The following KIAA1328 variants were observed in gnomAD, a reference collection of about 807,000 sequenced individuals.
KIAA1328 encodes protein hinderin.
KIAA1328 carries 52 observed loss-of-function variants against 68.1 expected under a neutral mutation model. The observed-to-expected ratio is 0.76, with a 90% confidence interval of 0.61 to 0.96. The LOEUF (loss-of-function observed/expected upper bound fraction) is 0.96. Among genes scored for constraint, KIAA1328 ranks in the 40% least tolerant of loss-of-function variants. The pLI is 0.00. For missense variants in KIAA1328, 641 were observed against 677.6 expected, an observed-to-expected ratio of 0.95 and a Z score of 0.60; for synonymous variants, 232 against 239.4, an observed-to-expected ratio of 0.97 and a Z score of 0.28.
intron 5 of KIAA1328, among the ~76,000 whole-genome samples, chr18:36,890,522 T>C (rs2048649684): frequency 6.6e-6 from 1 of 151,988 alleles, no homozygotes; most frequent in Admixed American, 6.6e-5. Context: ...AATACAAAAA[T>C]TAGCCGGGCA....
At position 36,857,647 on chromosome 18, in the gene KIAA1328, A is replaced by G. The variant is rs561141374; in HGVS notation, c.332+13345A>G. On this transcript the variant is annotated intron_variant, in intron 4 of 9. Coordinates refer to ENST00000280020, the MANE Select transcript of KIAA1328 (RefSeq NM_020776.3). ...CTCATTAAGAACTCCCCTGGTTACT[A>G]TGAGTTTTGATTAGCTTTCAGAGTT... Among the ~76,000 whole-genome samples the G allele has an allele frequency of 3.9e-5, 6 of 152,158 alleles. No individual in the cohort carries two copies. In the East Asian group the frequency reaches 1.2e-3, roughly 29 times the overall value.
At chr18:36,836,755 T>C (rs1003694768) in intron 3 of KIAA1328, among the ~76,000 whole-genome samples, 7 of 152,118 alleles carry the variant, frequency 4.6e-5, no homozygotes, top group African/African-American at 1.7e-4. Flanking sequence ...TTTATCACTC[T>C]AGAAAGAAAC....
intron 9 of KIAA1328, chr18:37,193,449 G>C: frequency 1.6e-6 from 1 of 615,604 alleles, no homozygotes; most frequent in Admixed American, 2.6e-5. Context: ...ATTAGAGTTA[G>C]GTCAAATGTT....
chr18:36,872,644 T>G (rs149793353), intron 4 of KIAA1328, among the ~76,000 whole-genome samples: 207 of 152,260 alleles, frequency 1.4e-3, no homozygotes, highest in African/African-American at 4.9e-3. Context: ...TAGAAATTAT[T>G]TACTTCAGTC....
At chr18:37,143,713 T>C (rs545828844) in intron 7 of KIAA1328, among the ~76,000 whole-genome samples, 2 of 152,180 alleles carry the variant, frequency 1.3e-5, no homozygotes, top group South Asian at 4.1e-4. Context: ...AGTTTCCTTT[T>C]ATTCCTAGTT....
chr18:37,113,665 C>A (rs530039017), intron 7 of KIAA1328, among the ~76,000 whole-genome samples: 1 of 152,074 alleles, frequency 6.6e-6, no homozygotes, highest in Admixed American at 6.5e-5. Flanking sequence ...ACAATATTAA[C>A]CTTAAATGTA....
chr18:36,944,611 A>G lies in KIAA1328; in HGVS notation c.449-14697A>G, dbSNP rs563583696. 1.4e-4 allele frequency among the ~76,000 whole-genome samples: 21 copies of G among 152,276 alleles called. No individual in the cohort carries two copies. In the East Asian group the frequency reaches 4.1e-3, roughly 29 times the overall value. ...AAATACAAGGTCATGGGGAAGTAGCACAAACAGAGTAGGTTCTTGGACATT... is the reference window on the plus strand; with the variant it reads ...AAATACAAGGTCATGGGGAAGTAGCGCAAACAGAGTAGGTTCTTGGACATT... On this transcript the variant is annotated intron_variant, in intron 5 of 9. Coordinates refer to ENST00000280020, the MANE Select transcript of KIAA1328 (RefSeq NM_020776.3).
chr18:37,039,592 T>C (rs2055164442), intron 6 of KIAA1328, among the ~76,000 whole-genome samples: 1 of 152,070 alleles, frequency 6.6e-6, no homozygotes, highest in African/African-American at 2.4e-5. Context: ...TTTGTATTTT[T>C]AGTAGAGATG....
intron 5 of KIAA1328, among the ~76,000 whole-genome samples, chr18:36,900,074 T>G (rs1288605929): frequency 6.6e-6 from 1 of 151,998 alleles, no homozygotes; most frequent in Non-Finnish European, 1.5e-5. Flanking sequence ...TACACTGTTA[T>G]GATTACCACT....
intron 5 of KIAA1328, among the ~76,000 whole-genome samples, chr18:36,925,970 T>G (rs1288142424): frequency 1.3e-5 from 2 of 152,076 alleles, no homozygotes; most frequent in East Asian, 3.8e-4. Context: ...TGATTTCTTC[T>G]TTTTTTAGGA....
At chr18:37,199,245 C>T (rs1381071839) in intron 9 of KIAA1328, among the ~76,000 whole-genome samples, 2 of 152,172 alleles carry the variant, frequency 1.3e-5, no homozygotes, top group Non-Finnish European at 2.9e-5. Flanking sequence ...TCCTCTCCCT[C>T]CTCCCACCTT....
At position 37,067,374 on chromosome 18, in the gene KIAA1328, C is replaced by A; in HGVS notation, c.1061C>A (p.Pro354His). The A allele has an allele frequency of 6.2e-7, 1 of 1,613,668 alleles. No homozygotes were observed. The highest frequency in any genetic ancestry group is 2.2e-5 in the East Asian group (1 of 44,850). ...SLVHGGGALQPIETLKKQISE... is the reference protein window; with the variant it reads ...SLVHGGGALQHIETLKKQISE... ...GTGCATGGTGGTGGGGCACTGCAACCCATTGAAACTTTGAAAAAGCAGATC... is the reference window on the plus strand; with the variant it reads ...GTGCATGGTGGTGGGGCACTGCAACACATTGAAACTTTGAAAAAGCAGATC... The change falls in exon 7 of 10, where the codon CCC (proline) becomes CAC (histidine). Residue 354 changes from proline (P) to histidine (H), a missense_variant. Physicochemically the swap from Pro to His is moderately conservative, Grantham distance 77 (BLOSUM62 -2). Coordinates refer to ENST00000280020, the MANE Select transcript of KIAA1328 (RefSeq NM_020776.3).
intron 9 of KIAA1328, among the ~76,000 whole-genome samples, chr18:37,213,123 C>G (rs2060350064): frequency 6.6e-6 from 1 of 152,142 alleles, no homozygotes; most frequent in South Asian, 2.1e-4. Flanking sequence ...TCACTCTTAG[C>G]AAATGAGATT....
At chr18:37,089,202 C>T (rs1306743153) in intron 7 of KIAA1328, among the ~76,000 whole-genome samples, 1 of 151,968 alleles carries the variant, frequency 6.6e-6, no homozygotes, top group Non-Finnish European at 1.5e-5. Context: ...GGATAGGTCC[C>T]TATCTCTAGC....
chr18:36,920,969 A>G (rs900743763), intron 5 of KIAA1328: 5 of 152,218 alleles, frequency 3.3e-5, no homozygotes, highest in African/African-American at 7.2e-5. Flanking sequence ...CAAGACCACC[A>G]GGTTCCGTTA....
chr18:36,981,125 G>T (rs764660009), intron 6 of KIAA1328, among the ~76,000 whole-genome samples: 2 of 152,166 alleles, frequency 1.3e-5, no homozygotes, highest in Admixed American at 6.5e-5. Flanking sequence ...AATAGTGCTT[G>T]TTCCCATCAG....
At chr18:37,118,299 A>G (rs2058177250) in intron 7 of KIAA1328, among the ~76,000 whole-genome samples, 1 of 152,102 alleles carries the variant, frequency 6.6e-6, no homozygotes, top group Non-Finnish European at 1.5e-5. Flanking sequence ...CCAGCCTATA[A>G]TAACTTTCTT....
intron 5 of KIAA1328, among the ~76,000 whole-genome samples, chr18:36,929,235 A>AC (rs959051002): frequency 3.3e-5 from 5 of 152,052 alleles, no homozygotes; most frequent in Admixed American, 2.0e-4. Flanking sequence ...CCCTCCCTGT[A>AC]CCCCGGCTTT....
intron 6 of KIAA1328, among the ~76,000 whole-genome samples, chr18:36,988,656 C>G (rs945553089): frequency 3.9e-5 from 6 of 152,176 alleles, no homozygotes; most frequent in Admixed American, 3.3e-4. Flanking sequence ...GCTCATTTCT[C>G]AAGGATTCTT....
Sources: gnomAD v4.1 joint callset for allele counts (sites outside exome capture counted in the v4.1 genomes callset) on GRCh38, gnomAD v4.1.1 for gene constraint, MANE v1.5 for transcripts, NCBI Gene and HGNC (gene_info 2026-07-23, HGNC 2026-07-21) for gene names.